Variants in CADM2 observed in about 807,000 individuals in gnomAD.
CADM2 encodes immunoglobulin superfamily member 4D.
Under a neutral mutation model 49.8 loss-of-function variants are expected in CADM2, and 12 were observed. The observed-to-expected ratio is 0.24, with a 90% CI of 0.15 to 0.39. The LOEUF is 0.39. Ranked by LOEUF, CADM2 falls within the 10% of genes least tolerant of loss-of-function variation. The pLI, the probability that CADM2 is intolerant of heterozygous loss-of-function variation, is 1.00. For missense variants in CADM2, 378 were observed against 492.3 expected (o/e 0.77, Z 2.20); for synonymous variants, 214 against 175.4 (o/e 1.22, Z -1.74).
At chr3:85,273,225 G>T (rs2043282977) in intron 1 of CADM2, among the ~76,000 whole-genome samples, 1 of 151,324 alleles carries the variant, frequency 6.6e-6, no homozygotes, top group South Asian at 2.1e-4. Context: ...AGATCAGTAA[G>T]AAATAATAAG....
At chr3:85,175,237 C>T (rs1259520976) in intron 1 of CADM2, among the ~76,000 whole-genome samples, 1 of 152,082 alleles carries the variant, frequency 6.6e-6, no homozygotes, top group Non-Finnish European at 1.5e-5. Context: ...TTAAACATAA[C>T]ATTACCATAT....
At chr3:85,296,196 A>G (rs1460689412) in intron 1 of CADM2, among the ~76,000 whole-genome samples, 1 of 152,046 alleles carries the variant, frequency 6.6e-6, no homozygotes, top group Non-Finnish European at 1.5e-5. Flanking sequence ...GTCCAGAAAG[A>G]CAAATGATGA....
chr3:85,739,950 G>A (rs1318888923), intron 2 of CADM2, among the ~76,000 whole-genome samples: 1 of 152,130 alleles, frequency 6.6e-6, no homozygotes, highest in East Asian at 1.9e-4. Context: ...AAGTGCAAAT[G>A]GGAGATGAAA....
At chr3:85,855,258 G>C (rs2075263009) in intron 3 of CADM2, among the ~76,000 whole-genome samples, 1 of 152,082 alleles carries the variant, frequency 6.6e-6, no homozygotes, top group Admixed American at 6.6e-5. Flanking sequence ...TTGCTCTCAA[G>C]CTTGTCCTTT....
At chr3:85,636,283 G>A (rs1485718696) in intron 1 of CADM2, among the ~76,000 whole-genome samples, 1 of 152,062 alleles carries the variant, frequency 6.6e-6, no homozygotes, top group Non-Finnish European at 1.5e-5. Flanking sequence ...CCCTGTGTAT[G>A]CCTAGGCTAA....
intron 1 of CADM2, among the ~76,000 whole-genome samples, chr3:85,305,099 T>A (rs2044182994): frequency 6.6e-6 from 1 of 151,662 alleles, no homozygotes; most frequent in Admixed American, 6.6e-5. Context: ...TCTTAATTTT[T>A]TCTCCAGGTT....
chr3:85,693,889 C>T (rs1385487910), intron 1 of CADM2, among the ~76,000 whole-genome samples: 1 of 143,664 alleles, frequency 7.0e-6, no homozygotes, highest in Non-Finnish European at 1.5e-5. Flanking sequence ...GAGCAAGACT[C>T]CCTCTAAAAA....
chr3:85,332,175 C>G (rs1398199497), intron 1 of CADM2, among the ~76,000 whole-genome samples: 1 of 152,032 alleles, frequency 6.6e-6, no homozygotes, highest in African/African-American at 2.4e-5. Context: ...TTTGTGACTG[C>G]TTTCTCAGAA....
chr3:85,435,083 CATAGT>C (rs1363952488), intron 1 of CADM2, among the ~76,000 whole-genome samples: 1 of 151,974 alleles, frequency 6.6e-6, no homozygotes, highest in Non-Finnish European at 1.5e-5. Context: ...AGGTTTGTTA[CATAGT>C]ATACATGTGC....
At chr3:85,550,974 GTTTGTTTA>G (rs1282200599) in intron 1 of CADM2, among the ~76,000 whole-genome samples, 49 of 151,388 alleles carry the variant, frequency 3.2e-4, no homozygotes, top group Non-Finnish European at 5.0e-4. Flanking sequence ...TTATTTGTTT[GTTTGTTTA>G]TTTATTTATT....
chr3:85,887,534 T>C (rs551432146), intron 5 of CADM2, among the ~76,000 whole-genome samples: 3 of 152,150 alleles, frequency 2.0e-5, no homozygotes, highest in Non-Finnish European at 4.4e-5. Context: ...TTTCCTGTTT[T>C]AATTACTCTT....
chr3:85,903,882 G>T (rs772574762), intron 5 of CADM2, among the ~76,000 whole-genome samples: 12 of 152,108 alleles, frequency 7.9e-5, no homozygotes, highest in Non-Finnish European at 1.6e-4. Context: ...TTTACATCTA[G>T]AATCCTTTGC....
intron 1 of CADM2, among the ~76,000 whole-genome samples, chr3:85,104,778 T>C (rs1315679968): frequency 6.6e-6 from 1 of 152,166 alleles, no homozygotes; most frequent in Non-Finnish European, 1.5e-5. Context: ...CTTAATGAGG[T>C]CCTTCACATT....
At position 85,206,490 on chromosome 3, in the gene CADM2, G is replaced by A. The variant is rs112983767; in HGVS notation, c.61+246822G>A. Among the ~76,000 whole-genome samples the A allele has an allele frequency of 6.9e-3, 1,043 of 151,840 alleles. 8 individuals carry two copies. The highest frequency in any genetic ancestry group is 0.023 in the African/African-American group (956 of 41,398). On this transcript the variant is annotated intron_variant, in intron 1 of 9. Coordinates refer to ENST00000383699, the MANE Select transcript of CADM2 (RefSeq NM_001167675.2). Reference sequence around the variant, plus strand: ...GCCCGGCTAATTTTTTGTATTTTTAGTAGAGACGGGGTTTCACCGTGTTAG... The same window carrying A: ...GCCCGGCTAATTTTTTGTATTTTTAATAGAGACGGGGTTTCACCGTGTTAG...
intron 1 of CADM2, among the ~76,000 whole-genome samples, chr3:85,531,911 C>T (rs779846170): frequency 6.6e-6 from 1 of 152,172 alleles, no homozygotes; most frequent in African/African-American, 2.4e-5. Flanking sequence ...GGTGCGGTGG[C>T]TCACGCCTGT....
intron 1 of CADM2, among the ~76,000 whole-genome samples, chr3:85,172,555 TG>T (rs1223136654): frequency 6.6e-6 from 1 of 152,050 alleles, no homozygotes; most frequent in Non-Finnish European, 1.5e-5. Context: ...GGCAACAATG[TG>T]AGCAAAGGCT....
intron 1 of CADM2, among the ~76,000 whole-genome samples, chr3:85,342,580 C>G (rs1353599019): frequency 6.6e-6 from 1 of 152,054 alleles, no homozygotes; most frequent in African/African-American, 2.4e-5. Flanking sequence ...TCATAAAGTA[C>G]TAACTGTTTC....
At chr3:84,963,257 G>C (rs1163776299) in intron 1 of CADM2, among the ~76,000 whole-genome samples, 1 of 152,124 alleles carries the variant, frequency 6.6e-6, no homozygotes, top group East Asian at 1.9e-4. Context: ...TCTTTGCAAG[G>C]AAAGCTTGCC....
intron 1 of CADM2, among the ~76,000 whole-genome samples, chr3:85,698,821 T>C (rs1016574357): frequency 2.6e-5 from 4 of 152,086 alleles, no homozygotes; most frequent in Admixed American, 6.6e-5. Context: ...AAATCTCATG[T>C]CATTTTCATA....
Sources: gnomAD v4.1 joint callset for allele counts (sites outside exome capture counted in the v4.1 genomes callset) on GRCh38, gnomAD v4.1.1 for gene constraint, MANE v1.5 for transcripts, NCBI Gene and HGNC (gene_info 2026-07-23, HGNC 2026-07-21) for gene names.